The following CACNA2D1 variants were observed in gnomAD, a reference collection of about 807,000 sequenced individuals.
CACNA2D1 encodes the protein calcium voltage-gated channel auxiliary subunit alpha2delta 1.
A neutral mutation model predicts 171.5 loss-of-function variants in CACNA2D1; 53 were observed. That is an observed-to-expected ratio of 0.31 (90% CI 0.25 to 0.39). The LOEUF (loss-of-function observed/expected upper bound fraction) is 0.39, where lower values mean the gene tolerates loss of function less well. Ranked by LOEUF, CACNA2D1 falls within the 10% of genes least tolerant of loss-of-function variation. The probability of loss-of-function intolerance (pLI) is 1.00; values close to 1 mark genes in which losing one functional copy is unlikely to be tolerated. For missense variants in CACNA2D1, 903 were observed against 1,299.8 expected (o/e 0.69, Z 4.69); for synonymous variants, 442 against 443.1 (o/e 1.00, Z 0.03).
chr7:82,378,718 T>C (rs1455613027), intron 1 of CACNA2D1, among the ~76,000 whole-genome samples: 3 of 152,172 alleles, frequency 2.0e-5, no homozygotes, highest in Non-Finnish European at 2.9e-5. Flanking sequence ...AGCATCCTAG[T>C]TATCTCCTTA....
intron 1 of CACNA2D1, among the ~76,000 whole-genome samples, chr7:82,428,112 A>T (rs1197166987): frequency 2.0e-5 from 3 of 152,118 alleles, no homozygotes; most frequent in Non-Finnish European, 4.4e-5. Context: ...ATAAATAAAA[A>T]AAAAACAAAC....
intron 1 of CACNA2D1, among the ~76,000 whole-genome samples, chr7:82,407,760 C>A (rs1161870181): frequency 6.6e-6 from 1 of 152,032 alleles, no homozygotes; most frequent in Admixed American, 6.6e-5. Flanking sequence ...TTCCTGGGGA[C>A]TAGACACTGT....
At chr7:82,207,449 C>T (rs1800117311) in intron 3 of CACNA2D1, among the ~76,000 whole-genome samples, 1 of 151,976 alleles carries the variant, frequency 6.6e-6, no homozygotes, top group Non-Finnish European at 1.5e-5. Context: ...AAATGCCATC[C>T]AAAAATTATA....
At chr7:82,087,345 G>A (rs995180870) in intron 6 of CACNA2D1, among the ~76,000 whole-genome samples, 5 of 152,132 alleles carry the variant, frequency 3.3e-5, no homozygotes, top group Non-Finnish European at 7.4e-5. Flanking sequence ...GTAGAGAGCA[G>A]TTTGACTGGA....
At chr7:82,154,441 A>C (rs546152073) in intron 4 of CACNA2D1, among the ~76,000 whole-genome samples, 1 of 152,156 alleles carries the variant, frequency 6.6e-6, no homozygotes, top group South Asian at 2.1e-4. Flanking sequence ...ACATGGACAC[A>C]GGAAGGGGAA....
chr7:82,137,707 T>TAAAAAAAAAAAAAAAAAAAAA lies in CACNA2D1; in HGVS notation c.355-1052_355-1032dup, dbSNP rs1174278503. Among the ~76,000 whole-genome samples the TAAAAAAAAAAAAAAAAAAAAA allele has an allele frequency of 1.1e-3, 84 of 78,802 alleles. 10 individuals are homozygous for TAAAAAAAAAAAAAAAAAAAAA. The highest frequency in any genetic ancestry group is 1.8e-3 in the Admixed American group (13 of 7,132). 51.7% of individuals were successfully genotyped at this position (78,802 alleles called of 152,430 possible). A position where few individuals can be genotyped will look rare whatever the true frequency, so the allele number is the denominator to read the frequency against. ...TAATACAGTGAAACTCCGTCTCTAC[T>TAAAAAAAAAAAAAAAAAAAAA]AAAAAAAAAAAAAAAAAAAAAAATT... On this transcript the variant is annotated intron_variant, in intron 4 of 38. Coordinates refer to ENST00000356860, the MANE Select transcript of CACNA2D1 (RefSeq NM_000722.4).
chr7:82,326,753 C>T (rs894338095), intron 3 of CACNA2D1, among the ~76,000 whole-genome samples: 4 of 145,392 alleles, frequency 2.8e-5, no homozygotes, highest in African/African-American at 7.4e-5. Context: ...TACAAACTTA[C>T]ACTTTATCCA....
At chr7:82,380,421 G>C (rs1333158362) in intron 1 of CACNA2D1, among the ~76,000 whole-genome samples, 3 of 152,030 alleles carry the variant, frequency 2.0e-5, no homozygotes, top group Non-Finnish European at 4.4e-5. Flanking sequence ...TATGTTTGGA[G>C]AATTGATCAT....
intron 1 of CACNA2D1, among the ~76,000 whole-genome samples, chr7:82,364,859 T>C (rs1336015196): frequency 1.3e-5 from 2 of 152,078 alleles, no homozygotes; most frequent in Non-Finnish European, 2.9e-5. Flanking sequence ...GGGCAGACAA[T>C]AGGATTAATG....
rs558371255 is a variant in CACNA2D1, at chr7:82,330,179, A to C, written c.294+4956T>G. On this transcript the variant is annotated intron_variant, in intron 3 of 38. Coordinates refer to ENST00000356860, the MANE Select transcript of CACNA2D1 (RefSeq NM_000722.4). ...GCTGGTAGATGGAGCTGATCAAAAGACAAAAGCACAAATGAGTGTAAAATA... is the reference window on the plus strand; with the variant it reads ...GCTGGTAGATGGAGCTGATCAAAAGCCAAAAGCACAAATGAGTGTAAAATA... 2.0e-5 allele frequency among the ~76,000 whole-genome samples: 3 copies of C among 152,286 alleles called. No homozygotes were observed. In the East Asian group the frequency reaches 5.8e-4, roughly 29 times the overall value.
At chr7:82,263,931 A>T (rs1284098543) in intron 3 of CACNA2D1, among the ~76,000 whole-genome samples, 2 of 152,160 alleles carry the variant, frequency 1.3e-5, no homozygotes, top group Admixed American at 1.3e-4. Flanking sequence ...TAAACACATA[A>T]TATGGGTTTT....
chr7:82,108,203 G>A (rs1421934440), intron 6 of CACNA2D1, among the ~76,000 whole-genome samples: 1 of 152,096 alleles, frequency 6.6e-6, no homozygotes, highest in African/African-American at 2.4e-5. Context: ...ATGTTACATA[G>A]TCACATACAT....
At chr7:82,419,102 T>A (rs1454605076) in intron 1 of CACNA2D1, among the ~76,000 whole-genome samples, 1 of 139,500 alleles carries the variant, frequency 7.2e-6, no homozygotes, top group African/African-American at 2.7e-5. Context: ...AGAGCAAGAC[T>A]CCATCTCAAA....
intron 1 of CACNA2D1, among the ~76,000 whole-genome samples, chr7:82,432,915 G>A (rs932894485): frequency 2.6e-5 from 4 of 152,098 alleles, no homozygotes; most frequent in Admixed American, 6.5e-5. Context: ...GCTGGGTGTC[G>A]CGGCTCACGC....
intron 1 of CACNA2D1, among the ~76,000 whole-genome samples, chr7:82,433,923 A>G (rs1299300418): frequency 6.6e-6 from 1 of 152,206 alleles, no homozygotes; most frequent in Non-Finnish European, 1.5e-5. Context: ...TCACAATTAA[A>G]TGGACTGTAA....
chr7:82,053,819 C>CA (rs1805499466), intron 10 of CACNA2D1, among the ~76,000 whole-genome samples: 1 of 152,120 alleles, frequency 6.6e-6, no homozygotes, highest in South Asian at 2.1e-4. Flanking sequence ...TGCATACTTC[C>CA]AGGTGAAATG....
Position 82,337,766 on chromosome 7 carries a change from T to C in CACNA2D1, c.178-2515A>G, listed in dbSNP as rs140759682. ...TCTCTACTAGAAAGAATGTAGCATA[T>C]AGACAGACTTAAAAACAGGATACTT... On this transcript the variant is annotated intron_variant, in intron 2 of 38. Transcript: ENST00000356860. Among the ~76,000 whole-genome samples the C allele has an allele frequency of 1.5e-3, 233 of 152,270 alleles. 1 individual carries two copies. Among genetic ancestry groups the C allele is most frequent in the African/African-American group, 5.2e-3 (217 of 41,560 alleles).
At chr7:82,171,251 A>T (rs1795988281) in intron 3 of CACNA2D1, among the ~76,000 whole-genome samples, 1 of 152,108 alleles carries the variant, frequency 6.6e-6, no homozygotes, top group Admixed American at 6.6e-5. Flanking sequence ...TCGAAATGCT[A>T]TTCCATTAAG....
chr7:82,274,765 G>A lies in CACNA2D1; in HGVS notation c.294+60370C>T, dbSNP rs191772877. On this transcript the variant is annotated intron_variant, in intron 3 of 38. Transcript: ENST00000356860. Reference sequence around the variant, plus strand: ...TAGATTACAAACTCTATGAGGGGAGGCAATTCTTTTTTGTTGGTTCTAGCT... The same window carrying A: ...TAGATTACAAACTCTATGAGGGGAGACAATTCTTTTTTGTTGGTTCTAGCT... Among the ~76,000 whole-genome samples, 199 of 152,156 alleles carry A rather than the reference G, an allele frequency of 1.3e-3. 2 individuals are homozygous for A. The highest frequency in any genetic ancestry group is 3.7e-3 in the East Asian group (19 of 5,182).
Sources: allele counts gnomAD v4.1 joint callset (sites outside exome capture counted in the v4.1 genomes callset), GRCh38; gene constraint gnomAD v4.1.1; transcripts MANE v1.5; gene names NCBI Gene and HGNC (gene_info 2026-07-23, HGNC 2026-07-21).